Variants in POMP observed in about 807,000 individuals in gnomAD.
POMP encodes the protein proteasome maturation protein.
POMP carries 12 observed loss-of-function variants against 20.6 expected under a neutral mutation model. That is an observed-to-expected ratio of 0.58 (90% confidence interval 0.37 to 0.94). The LOEUF (loss-of-function observed/expected upper bound fraction) is 0.94. Among genes scored for constraint, POMP ranks in the 40% least tolerant of loss-of-function variants. POMP has a pLI of 0.01. For synonymous variants in POMP, 53 were observed against 55.0 expected, an observed-to-expected ratio of 0.96 and a Z score of 0.16; for missense variants, 136 against 161.1, an observed-to-expected ratio of 0.84 and a Z score of 0.84.
At chr13:28,669,037 A>G (rs1484622213) in intron 4 of POMP, among the ~76,000 whole-genome samples, 1 of 152,128 alleles carries the variant, frequency 6.6e-6, no homozygotes, top group East Asian at 1.9e-4. Flanking sequence ...TGCCTTCTCA[A>G]GCTGATATCT....
chr13:28,662,770 T>C (rs1030920566), intron 2 of POMP, among the ~76,000 whole-genome samples: 1 of 152,222 alleles, frequency 6.6e-6, no homozygotes, highest in Non-Finnish European at 1.5e-5. Context: ...TTTTATTTAT[T>C]TTTTTGCTAC....
At chr13:28,664,777 A>C (rs1884412603) in intron 3 of POMP, among the ~76,000 whole-genome samples, 1 of 152,148 alleles carries the variant, frequency 6.6e-6, no homozygotes, top group African/African-American at 2.4e-5. Flanking sequence ...CTGCCTTTTT[A>C]ATGTACGTCT....
intron 4 of POMP, among the ~76,000 whole-genome samples, chr13:28,670,634 C>T (rs1408027706): frequency 2.0e-5 from 3 of 152,258 alleles, no homozygotes; most frequent in Admixed American, 1.3e-4. Flanking sequence ...CACTTCTTAT[C>T]CTCTTAAACT....
chr13:28,669,946 A>G (rs543014011), intron 4 of POMP, among the ~76,000 whole-genome samples: 24 of 152,196 alleles, frequency 1.6e-4, no homozygotes, highest in Non-Finnish European at 2.9e-4. Context: ...TCTCTACAAA[A>G]AAAAATACAA....
chr13:28,663,980 A>G (rs538641393), intron 2 of POMP, among the ~76,000 whole-genome samples: 1 of 152,366 alleles, frequency 6.6e-6, no homozygotes, highest in Non-Finnish European at 1.5e-5. Context: ...TCATCTTTAT[A>G]TAGCTAGAGT....
At chr13:28,665,522 A>G (rs1186368088) in intron 3 of POMP, among the ~76,000 whole-genome samples, 2 of 152,230 alleles carry the variant, frequency 1.3e-5, no homozygotes, top group Admixed American at 1.3e-4. Flanking sequence ...TTATAAAAGC[A>G]CAGTTGATCA....
At chr13:28,672,572 T>G in intron 5 of POMP, 140 bp downstream of exon 5, 2 of 732,286 alleles carry the variant, frequency 2.7e-6, no homozygotes, top group South Asian at 2.9e-5. Flanking sequence ...AAGATAAAGT[T>G]TAATGGTAGT....
At chr13:28,659,328 TC>T (rs1884291974) in intron 1 of POMP, 141 bp downstream of exon 1, 6 of 1,382,496 alleles carry the variant, frequency 4.3e-6, no homozygotes, top group Non-Finnish European at 6.0e-6. Context: ...GGCGCCATAA[TC>T]TGTCGAGTCA....
chr13:28,670,426 G>A (rs2511252), intron 4 of POMP, among the ~76,000 whole-genome samples: 5 of 152,154 alleles, frequency 3.3e-5, no homozygotes, highest in South Asian at 4.1e-4. Context: ...GCTGGTCCTT[G>A]CCCCTGTCAG....
At position 28,668,588 on chromosome 13, in the gene POMP, T is replaced by G; in HGVS notation, c.264+14T>G. 2 of 1,547,054 alleles carry G rather than the reference T, an allele frequency of 1.3e-6. No homozygotes were observed. Among genetic ancestry groups the G allele is most frequent in the Non-Finnish European group, 1.8e-6 (2 of 1,119,016 alleles). ...GCAGTGCAGCAGGTGAGTTGATGGA[T>G]CTCTGTTGCATATGTGTCGATATCA... On this transcript the variant is annotated intron_variant, in intron 4 of 5. Coordinates refer to ENST00000380842, the MANE Select transcript of POMP (RefSeq NM_015932.6).
At chr13:28,664,628 A>G (rs1047614871) in intron 3 of POMP, 59 bp downstream of exon 3, 2 of 1,058,170 alleles carry the variant, frequency 1.9e-6, no homozygotes, top group South Asian at 1.5e-5. Context: ...TTTTACTAAT[A>G]TTGGTTTCAT....
intron 3 of POMP, among the ~76,000 whole-genome samples, chr13:28,667,562 C>A (rs998460771): frequency 6.6e-6 from 1 of 152,184 alleles, no homozygotes; most frequent in Non-Finnish European, 1.5e-5. Flanking sequence ...TTTGGTTAGT[C>A]ACCTTACTTT....
intron 2 of POMP, among the ~76,000 whole-genome samples, chr13:28,663,229 C>T (rs908925427): frequency 2.0e-5 from 3 of 152,108 alleles, no homozygotes; most frequent in Admixed American, 6.5e-5. Context: ...ATAAGGATAA[C>T]GACCTTTCCC....
chr13:28,659,324 A>G (rs1884291902), intron 1 of POMP, 137 bp downstream of exon 1: 2 of 1,412,602 alleles, frequency 1.4e-6, no homozygotes, highest in Admixed American at 2.0e-5. Flanking sequence ...CTCAGGCGCC[A>G]TAATCTGTCG....
intron 1 of POMP, 66 bp from the exon 2 acceptor site, chr13:28,662,344 C>T: frequency 8.2e-7 from 1 of 1,220,780 alleles, no homozygotes; most frequent in Non-Finnish European, 1.2e-6. Context: ...ATATTTTTGA[C>T]ACAGCTGCCT....
chr13:28,663,602 G>A (rs1241793846), intron 2 of POMP, among the ~76,000 whole-genome samples: 6 of 152,214 alleles, frequency 3.9e-5, no homozygotes, highest in African/African-American at 1.4e-4. Context: ...GAGCCACTGC[G>A]TCTGGCCGTA....
chr13:28,675,982 TC>T (rs1181610019), intron 5 of POMP, among the ~76,000 whole-genome samples: 13 of 152,110 alleles, frequency 8.5e-5, no homozygotes, highest in Non-Finnish European at 2.9e-5. Flanking sequence ...TCCAGTTACC[TC>T]CCTACAGGGC....
chr13:28,662,373 T>G, intron 1 of POMP, 37 bp from the exon 2 acceptor site: 1 of 1,514,508 alleles, frequency 6.6e-7, no homozygotes, highest in South Asian at 1.1e-5. Context: ...GTTTAAATTT[T>G]TTTTCTATTT....
At chr13:28,667,972 T>C (rs982217760) in intron 3 of POMP, among the ~76,000 whole-genome samples, 2 of 152,166 alleles carry the variant, frequency 1.3e-5, no homozygotes, top group Non-Finnish European at 2.9e-5. Flanking sequence ...GTTTTTCCCC[T>C]GAGGCAAGTA....
Sources: gnomAD v4.1 joint callset for allele counts (sites outside exome capture counted in the v4.1 genomes callset) on GRCh38, gnomAD v4.1.1 for gene constraint, MANE v1.5 for transcripts, NCBI Gene and HGNC (gene_info 2026-07-23, HGNC 2026-07-21) for gene names.